Variants in PCNX2 observed in about 807,000 individuals in gnomAD.
PCNX2 encodes pecanex-like protein 2.
A neutral mutation model predicts 223.8 loss-of-function variants in PCNX2; 168 were observed. The observed-to-expected ratio is 0.75, with a 90% CI of 0.66 to 0.85. The LOEUF is 0.85. Ranked by LOEUF, PCNX2 falls within the 40% of genes least tolerant of loss-of-function variation. The probability of loss-of-function intolerance (pLI) is 0.00; values close to 1 mark genes in which losing one functional copy is unlikely to be tolerated. For missense variants in PCNX2, 2,507 were observed against 2,675.5 expected (o/e 0.94, Z 1.39); for synonymous variants, 1,006 against 1,052.6 (o/e 0.96, Z 0.86).
Position 233,262,161 on chromosome 1 carries a change from T to A in PCNX2, c.364A>T (p.Asn122Tyr). Residue 122 changes from asparagine to tyrosine, a missense_variant, in exon 3 of 34, where the codon AAT (asparagine) becomes TAT (tyrosine). Around this residue, in one of 3 missense-constraint regions of PCNX2, gnomAD observed 1,031 missense variants for 1,021.7 expected, o/e 1.01. Transcript: ENST00000258229. ...TTTTTGCCATTGTGAATCTGCCTAT[T>A]ATTGCTAACCCAACATGAGAAACAC... ...HITNHRNPSN[N>Y]RQIHNGKKEE... 1 of 1,613,716 alleles carries A rather than the reference T, an allele frequency of 6.2e-7. No homozygotes were observed. Among genetic ancestry groups the A allele is most frequent in the South Asian group, 1.1e-5 (1 of 91,070 alleles).
chr1:233,050,507 C>CA (rs1202282519), intron 25 of PCNX2, among the ~76,000 whole-genome samples: 4 of 151,982 alleles, frequency 2.6e-5, no homozygotes, highest in African/African-American at 7.3e-5. Flanking sequence ...AACAGAATAG[C>CA]AAACCCGGAA....
At chr1:233,293,697 T>C (rs1386321402) in intron 1 of PCNX2, among the ~76,000 whole-genome samples, 4 of 152,238 alleles carry the variant, frequency 2.6e-5, no homozygotes, top group South Asian at 2.1e-4. Context: ...GAGCACTCTC[T>C]GTGTGACAGG....
At chr1:233,303,477 T>C in the PCNX2 span, among the ~76,000 whole-genome samples, 11 of 152,218 alleles carry the variant, frequency 7.2e-5, no homozygotes, top group Admixed American at 4.6e-4. Context: ...TTCACACCAC[T>C]GTACTCCAGC....
At chr1:233,195,299 A>C (rs1680663036) in intron 15 of PCNX2, among the ~76,000 whole-genome samples, 1 of 152,196 alleles carries the variant, frequency 6.6e-6, no homozygotes, top group African/African-American at 2.4e-5. Context: ...CAAATTAGAA[A>C]TCTAAGGGAA....
At chr1:233,007,400 T>C (rs1670322047) in intron 28 of PCNX2, among the ~76,000 whole-genome samples, 1 of 152,056 alleles carries the variant, frequency 6.6e-6, no homozygotes, top group African/African-American at 2.4e-5. Flanking sequence ...GAGAGTAAGA[T>C]GGGTGGGAGC....
intron 33 of PCNX2, chr1:232,984,725 G>A: frequency 2.2e-6 from 1 of 448,922 alleles, no homozygotes; most frequent in Admixed American, 4.0e-5. Flanking sequence ...GACTGCGCTG[G>A]AAAGAGCGGC....
At chr1:233,186,854 T>C (rs1392817226) in intron 15 of PCNX2, among the ~76,000 whole-genome samples, 1 of 152,124 alleles carries the variant, frequency 6.6e-6, no homozygotes, top group Non-Finnish European at 1.5e-5. Context: ...CGTATCCAAG[T>C]CTATCTATAG....
chr1:233,089,623 T>C (rs1673769754), intron 23 of PCNX2, among the ~76,000 whole-genome samples: 1 of 152,206 alleles, frequency 6.6e-6, no homozygotes, highest in Non-Finnish European at 1.5e-5. Context: ...TGGTGGTCTC[T>C]TTTCCATAGA....
chr1:233,081,445 CTTG>C (rs1306074870), intron 23 of PCNX2, among the ~76,000 whole-genome samples: 2 of 152,212 alleles, frequency 1.3e-5, no homozygotes, highest in African/African-American at 4.8e-5. Flanking sequence ...CGGATGGTCA[CTTG>C]TTGTCCATGA....
chr1:233,267,177 C>T (rs1368825422), intron 1 of PCNX2, among the ~76,000 whole-genome samples: 1 of 151,992 alleles, frequency 6.6e-6, no homozygotes, highest in East Asian at 1.9e-4. Context: ...ATTAGCCAGG[C>T]GTGGTGGTGC....
In PCNX2 at chr1:233,095,823, T is replaced by C; in HGVS notation, c.3878A>G (p.Tyr1293Cys). The change falls in exon 22 of 34, where the codon TAT (tyrosine) becomes TGT (cysteine). Residue 1293 changes from tyrosine (Y) to cysteine (C), a missense_variant. By Grantham distance (194) the Tyr-to-Cys change is radical. Coordinates refer to ENST00000258229, the MANE Select transcript of PCNX2 (RefSeq NM_014801.4). ...CCAAGCCATCTGCCAAGGAGCCACA[T>C]ATGTCAGGACGAACTGTAACTTGTG... ...LLHKLQFVLT[Y>C]VAPWQMAWGS... 1 of 1,612,716 alleles carries C rather than the reference T, an allele frequency of 6.2e-7. No homozygotes were observed. Among genetic ancestry groups the C allele is most frequent in the South Asian group, 1.1e-5 (1 of 90,646 alleles).
chr1:233,220,655 G>A (rs1409975911), intron 10 of PCNX2, among the ~76,000 whole-genome samples: 1 of 151,954 alleles, frequency 6.6e-6, no homozygotes, highest in Non-Finnish European at 1.5e-5. Flanking sequence ...TGAGTTTTAA[G>A]TGTTCTTTGT....
At chr1:233,138,905 A>G (rs1168772610) in intron 20 of PCNX2, among the ~76,000 whole-genome samples, 1 of 152,240 alleles carries the variant, frequency 6.6e-6, no homozygotes, top group Non-Finnish European at 1.5e-5. Context: ...TTTGGAGAAT[A>G]TTAATTAATT....
chr1:233,227,277 T>C lies in PCNX2; in HGVS notation c.2453A>G (p.Lys818Arg). ...TCGATCATACCAGACTTTAATCCAC[T>C]TGCCAGGGAAAATGATAAATTTGTA... ...QFYKFIIFPG[K>R]WIKVWYDRLT... is the part of the protein sequence containing the mutation. The change falls in exon 10 of 34, where the codon AAG becomes AGG. Residue 818 changes from lysine (K) to arginine (R), a missense_variant. Physicochemically the swap from Lys to Arg is conservative, Grantham distance 26 (BLOSUM62 2). Coordinates refer to ENST00000258229, the MANE Select transcript of PCNX2 (RefSeq NM_014801.4). 1 of 1,613,426 alleles carries C rather than the reference T, an allele frequency of 6.2e-7. No homozygotes were observed. Among genetic ancestry groups the C allele is most frequent in the African/African-American group, 1.3e-5 (1 of 75,000 alleles).
chr1:233,165,262 T>C (rs1461928399), intron 17 of PCNX2, among the ~76,000 whole-genome samples: 1 of 152,222 alleles, frequency 6.6e-6, no homozygotes, highest in Non-Finnish European at 1.5e-5. Context: ...TGCTCCATAG[T>C]CTTGTCAATA....
chr1:233,246,793 C>T (rs1659150062), intron 8 of PCNX2, among the ~76,000 whole-genome samples: 2 of 152,136 alleles, frequency 1.3e-5, no homozygotes, highest in Non-Finnish European at 2.9e-5. Context: ...CGATGACACC[C>T]CCAGGTGCAC....
the PCNX2 span, among the ~76,000 whole-genome samples, chr1:233,302,233 T>C: frequency 1.3e-5 from 2 of 152,246 alleles, no homozygotes; most frequent in African/African-American, 2.4e-5. Flanking sequence ...TTAATAATTT[T>C]AGATCTAATT....
At chr1:233,119,965 G>A (rs370099297) in intron 21 of PCNX2, among the ~76,000 whole-genome samples, 13 of 151,774 alleles carry the variant, frequency 8.6e-5, no homozygotes, top group Non-Finnish European at 1.8e-4. Context: ...TCAGGAGTTC[G>A]AGACCAGCCT....
intron 32 of PCNX2, among the ~76,000 whole-genome samples, chr1:232,986,983 G>A (rs892518512): frequency 5.3e-5 from 8 of 152,172 alleles, no homozygotes; most frequent in African/African-American, 9.7e-5. Context: ...ATGCTCATCC[G>A]ATCAGCAGTG....
Sources: allele counts gnomAD v4.1 joint callset (sites outside exome capture counted in the v4.1 genomes callset), GRCh38; gene constraint gnomAD v4.1.1; regional missense constraint gnomAD v4.1.1; transcripts MANE v1.5; gene names NCBI Gene and HGNC (gene_info 2026-07-23, HGNC 2026-07-21).